SCFD2: variants seen among roughly 807,000 people sequenced by gnomAD.
SCFD2 encodes sec1 family domain containing 2, also known as sec1 family domain-containing protein 2.
In SCFD2, 54 loss-of-function variants were observed where a neutral mutation model predicts 58.9. That is an observed-to-expected ratio of 0.92 (90% CI 0.74 to 1.15). The LOEUF is 1.15. Ranked by LOEUF, SCFD2 falls within the 50% of genes most tolerant of loss-of-function variation. The probability of loss-of-function intolerance (pLI) is 0.00; values close to 1 mark genes in which losing one functional copy is unlikely to be tolerated. For missense variants in SCFD2, 805 were observed against 836.6 expected (o/e 0.96, Z 0.47); for synonymous variants, 321 against 335.9 (o/e 0.96, Z 0.49).
At chr4:53,026,136 T>G (rs1216335577) in intron 5 of SCFD2, among the ~76,000 whole-genome samples, 1 of 152,190 alleles carries the variant, frequency 6.6e-6, no homozygotes, top group Non-Finnish European at 1.5e-5. Flanking sequence ...TTTGTTAAAC[T>G]GTGATTACAG....
chr4:53,210,715 T>C, intron 4 of SCFD2, among the ~76,000 whole-genome samples: 1 of 152,138 alleles, frequency 6.6e-6, no homozygotes, highest in Admixed American at 6.5e-5. Flanking sequence ...CAGATATTGA[T>C]TTTTGTCCAT....
At chr4:53,120,668 G>A (rs1163778207) in intron 5 of SCFD2, among the ~76,000 whole-genome samples, 1 of 152,136 alleles carries the variant, frequency 6.6e-6, no homozygotes, top group Non-Finnish European at 1.5e-5. Context: ...TAGAGAGACT[G>A]TCAGGCGTCA....
intron 8 of SCFD2, among the ~76,000 whole-genome samples, chr4:52,881,972 A>G (rs369477531): frequency 2.5e-4 from 38 of 152,286 alleles, no homozygotes; most frequent in African/African-American, 8.9e-4. Context: ...AAGAAGCCCC[A>G]GACGTAGGCA....
chr4:53,164,488 C>T (rs1224288795), intron 4 of SCFD2, among the ~76,000 whole-genome samples: 1 of 152,104 alleles, frequency 6.6e-6, no homozygotes, highest in Non-Finnish European at 1.5e-5. Flanking sequence ...CCAGAGAATA[C>T]CATCTAGAAG....
chr4:53,219,498 C>T (rs568600988), intron 4 of SCFD2, among the ~76,000 whole-genome samples: 9 of 152,270 alleles, frequency 5.9e-5, no homozygotes, highest in Middle Eastern at 3.4e-3. Flanking sequence ...CACAGTATTA[C>T]GGTGGGAGTG....
chr4:52,912,587 A>G (rs747382439), intron 6 of SCFD2, among the ~76,000 whole-genome samples: 2 of 152,210 alleles, frequency 1.3e-5, no homozygotes, highest in Non-Finnish European at 2.9e-5. Flanking sequence ...TTGTGTATTC[A>G]GAGAGCACAA....
Position 53,194,827 on chromosome 4 carries a change from G to A in SCFD2, c.1312-49245C>T, listed in dbSNP as rs115886234. Among the ~76,000 whole-genome samples the A allele has an allele frequency of 4.4e-3, 669 of 152,068 alleles. 4 individuals carry two copies. Among genetic ancestry groups the A allele is most frequent in the Middle Eastern group, 0.027 (8 of 294 alleles). ...CTTCTGTCTCCAACCCAGTACACAC[G>A]AGCGACACTCTGTCTCAAAAAATTT... is the stretch of plus-strand genomic sequence containing the variant. On this transcript the variant is annotated intron_variant, in intron 4 of 8. Coordinates refer to ENST00000401642, the MANE Select transcript of SCFD2 (RefSeq NM_152540.4).
intron 4 of SCFD2, among the ~76,000 whole-genome samples, chr4:53,146,907 G>A (rs771196041): frequency 1.3e-5 from 2 of 152,152 alleles, no homozygotes; most frequent in Non-Finnish European, 2.9e-5. Context: ...CAGGATTCAG[G>A]ACTATGGATA....
At chr4:52,975,564 C>T (rs1266460427) in intron 5 of SCFD2, among the ~76,000 whole-genome samples, 1 of 152,182 alleles carries the variant, frequency 6.6e-6, no homozygotes, top group Admixed American at 6.5e-5. Context: ...CACTTTTACA[C>T]ACTGTTGGTG....
chr4:53,024,929 A>G (rs953810784), intron 5 of SCFD2, among the ~76,000 whole-genome samples: 5 of 152,140 alleles, frequency 3.3e-5, no homozygotes, highest in African/African-American at 1.2e-4. Flanking sequence ...GACTCCCCCT[A>G]GAATATTAGC....
At chr4:53,175,104 C>T (rs1331671732) in intron 4 of SCFD2, among the ~76,000 whole-genome samples, 1 of 152,142 alleles carries the variant, frequency 6.6e-6, no homozygotes, top group Non-Finnish European at 1.5e-5. Flanking sequence ...CATAGAATTC[C>T]ACAGGAGTCT....
intron 2 of SCFD2, among the ~76,000 whole-genome samples, chr4:53,314,141 A>G (rs1732786047): frequency 1.3e-5 from 2 of 152,232 alleles, no homozygotes; most frequent in African/African-American, 4.8e-5. Flanking sequence ...AAAATGATTT[A>G]TCAGTGATTA....
intron 5 of SCFD2, among the ~76,000 whole-genome samples, chr4:52,989,683 A>ATTCAC (rs1176284835): frequency 6.6e-6 from 1 of 152,164 alleles, no homozygotes; most frequent in Non-Finnish European, 1.5e-5. Flanking sequence ...ATTGGATTCT[A>ATTCAC]TTCACCTTGA....
At chr4:53,144,482 G>T (rs62325005) in intron 5 of SCFD2, among the ~76,000 whole-genome samples, 10,481 of 147,064 alleles carry the variant, frequency 0.071, 672 homozygotes, top group South Asian at 0.17. Flanking sequence ...AGATACAGGT[G>T]TGTATATATA....
chr4:53,071,949 G>A (rs1723827731), intron 5 of SCFD2, among the ~76,000 whole-genome samples: 1 of 151,952 alleles, frequency 6.6e-6, no homozygotes, highest in African/African-American at 2.4e-5. Flanking sequence ...AATACAGAAG[G>A]CCAAACAGTC....
In SCFD2 at chr4:53,208,208, C is replaced by T. The variant is rs181305253; in HGVS notation, c.1312-62626G>A. Among the ~76,000 whole-genome samples the T allele has an allele frequency of 1.9e-3, 294 of 151,966 alleles. 1 individual carries two copies. Among genetic ancestry groups the T allele is most frequent in the Admixed American group, 7.0e-3 (107 of 15,276 alleles). On this transcript the variant is annotated intron_variant, in intron 4 of 8. Transcript: ENST00000401642. ...CCCAGTCTGGTCTCAAATTCACGAGCTCATGCAATCCACTTTGGCCTCCCA... is the reference window on the plus strand; with the variant it reads ...CCCAGTCTGGTCTCAAATTCACGAGTTCATGCAATCCACTTTGGCCTCCCA...
chr4:53,070,105 C>A (rs572982422), intron 5 of SCFD2, among the ~76,000 whole-genome samples: 2 of 151,912 alleles, frequency 1.3e-5, no homozygotes, highest in African/African-American at 4.8e-5. Context: ...ATAAAGAAAC[C>A]AACCACTTAT....
At chr4:52,903,366 G>A (rs1229343501) in intron 7 of SCFD2, among the ~76,000 whole-genome samples, 1 of 152,176 alleles carries the variant, frequency 6.6e-6, no homozygotes, top group Non-Finnish European at 1.5e-5. Context: ...CTGGAAAGGA[G>A]GGTCAGGGCC....
At chr4:53,333,582 C>G (rs1327621006) in intron 2 of SCFD2, among the ~76,000 whole-genome samples, 2 of 151,488 alleles carry the variant, frequency 1.3e-5, no homozygotes. Context: ...TTCCTTATAC[C>G]TTATACAAAA....
Sources: gnomAD v4.1 joint callset for allele counts (sites outside exome capture counted in the v4.1 genomes callset) on GRCh38, gnomAD v4.1.1 for gene constraint, MANE v1.5 for transcripts, NCBI Gene and HGNC (gene_info 2026-07-23, HGNC 2026-07-21) for gene names.